The following IGSF11 variants were observed in gnomAD, a reference collection of about 807,000 sequenced individuals.
IGSF11 encodes the protein CXADR like 1.
Under a neutral mutation model 41.0 loss-of-function variants are expected in IGSF11, and 22 were observed. The observed-to-expected ratio is 0.54, with a 90% CI of 0.38 to 0.77. The LOEUF (loss-of-function observed/expected upper bound fraction) is 0.77, where lower values mean the gene tolerates loss of function less well. Among genes scored for constraint, IGSF11 ranks in the 30% least tolerant of loss-of-function variants. The probability of loss-of-function intolerance (pLI) is 0.00; values close to 1 mark genes in which losing one functional copy is unlikely to be tolerated. For missense variants in IGSF11, 444 were observed against 530.8 expected, an observed-to-expected ratio of 0.84 and a Z score of 1.61; for synonymous variants, 219 against 201.3, an observed-to-expected ratio of 1.09 and a Z score of -0.74.
chr3:119,043,560 T>C (rs1041962915), intron 1 of IGSF11, among the ~76,000 whole-genome samples: 1 of 152,072 alleles, frequency 6.6e-6, no homozygotes, highest in Non-Finnish European at 1.5e-5. Context: ...CCTGAGTCCA[T>C]CCACATGACA....
chr3:119,041,875 G>T (rs12636639), intron 1 of IGSF11, among the ~76,000 whole-genome samples: 1 of 151,832 alleles, frequency 6.6e-6, no homozygotes, highest in East Asian at 1.9e-4. Context: ...TTCAGAAAAC[G>T]AAAACAAACC....
intron 1 of IGSF11, among the ~76,000 whole-genome samples, chr3:119,102,525 T>C (rs545232259): frequency 6.0e-4 from 92 of 152,282 alleles, no homozygotes; most frequent in African/African-American, 2.0e-3. Context: ...CATGTCAAGT[T>C]TTCCTAGGCT....
intron 1 of IGSF11, among the ~76,000 whole-genome samples, chr3:119,096,950 G>C (rs530037651): frequency 6.6e-6 from 1 of 151,854 alleles, no homozygotes; most frequent in African/African-American, 2.4e-5. Context: ...TTGTTATAAC[G>C]GCTCTTTCTC....
chr3:119,035,196 G>A (rs1940834294), upstream of IGSF11, among the ~76,000 whole-genome samples: 1 of 152,208 alleles, frequency 6.6e-6, no homozygotes, highest in African/African-American at 2.4e-5. Context: ...CTCTAGCAAT[G>A]ACTTTTCCAC....
intron 1 of IGSF11, among the ~76,000 whole-genome samples, chr3:118,978,718 G>A (rs942574841): frequency 1.2e-4 from 19 of 152,302 alleles, no homozygotes; most frequent in Non-Finnish European, 2.4e-4. Flanking sequence ...ACTATTGCAT[G>A]TACCCAGAAT....
intron 1 of IGSF11, among the ~76,000 whole-genome samples, chr3:119,115,256 T>C (rs911886235): frequency 3.3e-5 from 5 of 152,172 alleles, no homozygotes; most frequent in African/African-American, 1.2e-4. Context: ...TGCTTTGGGG[T>C]ATATACCTAG....
At position 118,902,447 on chromosome 3, in the gene IGSF11, T is replaced by TA; in HGVS notation, c.*72_*73insT. 1.1e-5 allele frequency: 6 copies of TA among 563,916 alleles called. No homozygotes were observed. The highest frequency in any genetic ancestry group is 1.7e-5 in the Non-Finnish European group (5 of 298,020). 34.9% of individuals were successfully genotyped at this position (563,916 alleles called of 1,614,324 possible). A position where few individuals can be genotyped will look rare whatever the true frequency, so the allele number is the denominator to read the frequency against. On this transcript the variant is annotated 3_prime_UTR_variant, in exon 7 of 7. Coordinates refer to ENST00000393775, the MANE Select transcript of IGSF11 (RefSeq NM_001015887.3). ...TAAGGAAGTGTTTCTTTCCCAGCAC[T>TA]CCCCACCCCACCCTCCCCCTTGTAT...
chr3:119,043,705 G>A (rs993772798), intron 1 of IGSF11, among the ~76,000 whole-genome samples: 2 of 152,176 alleles, frequency 1.3e-5, no homozygotes, highest in Non-Finnish European at 2.9e-5. Flanking sequence ...CCATGGCTGG[G>A]AGACCTAAAG....
At chr3:118,984,439 T>A (rs1935056292) in intron 1 of IGSF11, among the ~76,000 whole-genome samples, 1 of 152,184 alleles carries the variant, frequency 6.6e-6, no homozygotes, top group African/African-American at 2.4e-5. Flanking sequence ...CTGCTGGTCA[T>A]GTAGCCAGAA....
chr3:119,067,655 A>C (rs1278679551), intron 1 of IGSF11, among the ~76,000 whole-genome samples: 1 of 152,146 alleles, frequency 6.6e-6, no homozygotes, highest in African/African-American at 2.4e-5. Context: ...TTAGACATGC[A>C]TCTAAAGTGC....
At chr3:118,995,123 G>T (rs544758673) in intron 1 of IGSF11, among the ~76,000 whole-genome samples, 11 of 152,288 alleles carry the variant, frequency 7.2e-5, no homozygotes, top group Admixed American at 2.6e-4. Context: ...AGGCTTTGAA[G>T]GGTTTTAAGC....
chr3:119,142,645 A>G (rs993495941), intron 1 of IGSF11, among the ~76,000 whole-genome samples: 25 of 152,266 alleles, frequency 1.6e-4, no homozygotes, highest in African/African-American at 6.0e-4. Context: ...TGGGAGCTCC[A>G]GAAAAAGAGG....
intron 1 of IGSF11, among the ~76,000 whole-genome samples, chr3:119,010,703 G>C (rs1938014252): frequency 6.6e-6 from 1 of 152,180 alleles, no homozygotes; most frequent in Non-Finnish European, 1.5e-5. Context: ...AGTAGATCAT[G>C]GGACTCTCAA....
chr3:118,916,513 C>T (rs1941112628), intron 4 of IGSF11, among the ~76,000 whole-genome samples: 1 of 151,538 alleles, frequency 6.6e-6, no homozygotes, highest in Non-Finnish European at 1.5e-5. Flanking sequence ...ACAATGAAGG[C>T]CATTACATAA....
chr3:118,912,028 A>G (rs907071032), intron 4 of IGSF11, among the ~76,000 whole-genome samples: 1 of 152,222 alleles, frequency 6.6e-6, no homozygotes, highest in African/African-American at 2.4e-5. Flanking sequence ...CAAACCATGA[A>G]AGAAAAACGT....
chr3:119,062,736 G>T (rs958758909), intron 1 of IGSF11, among the ~76,000 whole-genome samples: 7 of 152,078 alleles, frequency 4.6e-5, no homozygotes, highest in African/African-American at 1.4e-4. Context: ...TACTTCCAGG[G>T]TTCCATCAGT....
chr3:118,949,518 A>G (rs528146786), intron 1 of IGSF11, among the ~76,000 whole-genome samples: 5 of 152,298 alleles, frequency 3.3e-5, no homozygotes, highest in Admixed American at 2.0e-4. Context: ...AGTTGTTAAC[A>G]TCTAAGAGGC....
chr3:118,968,492 G>T (rs1932971817), intron 1 of IGSF11, among the ~76,000 whole-genome samples: 1 of 152,156 alleles, frequency 6.6e-6, no homozygotes, highest in Non-Finnish European at 1.5e-5. Context: ...GTCCAGAACA[G>T]GGAAGGAAAC....
At chr3:119,062,406 C>A (rs1218169644) in intron 1 of IGSF11, among the ~76,000 whole-genome samples, 1 of 152,212 alleles carries the variant, frequency 6.6e-6, no homozygotes, top group Non-Finnish European at 1.5e-5. Context: ...CTTTGCCTCA[C>A]AACCAACCCC....
Sources: allele counts gnomAD v4.1 joint callset (sites outside exome capture counted in the v4.1 genomes callset), GRCh38; gene constraint gnomAD v4.1.1; transcripts MANE v1.5; gene names NCBI Gene and HGNC (gene_info 2026-07-23, HGNC 2026-07-21).